Variants in PSMA3 observed in about 807,000 individuals in gnomAD.
PSMA3 encodes the protein proteasome 20S subunit alpha 3, also known as proteasome subunit alpha type-3.
A neutral mutation model predicts 40.0 loss-of-function variants in PSMA3; 8 were observed. That is an observed-to-expected ratio of 0.20 (90% CI 0.12 to 0.36). The LOEUF (loss-of-function observed/expected upper bound fraction) is 0.36. Ranked by LOEUF, PSMA3 falls within the 10% of genes least tolerant of loss-of-function variation. PSMA3 has a pLI of 1.00. For synonymous variants in PSMA3, 110 were observed against 100.0 expected (o/e 1.10, Z -0.59); for missense variants, 219 against 310.6 (o/e 0.70, Z 2.22).
chr14:58,262,710 G>C (rs1230512958), intron 6 of PSMA3, among the ~76,000 whole-genome samples: 1 of 151,042 alleles, frequency 6.6e-6, no homozygotes, highest in Non-Finnish European at 1.5e-5. Flanking sequence ...TTACAGGCCT[G>C]TACCATCACA....
At chr14:58,262,881 CTT>C (rs1193012612) in intron 6 of PSMA3, among the ~76,000 whole-genome samples, 1 of 151,746 alleles carries the variant, frequency 6.6e-6, no homozygotes. Flanking sequence ...GTTACCGTTT[CTT>C]AACTGTTTTC....
At chr14:58,258,550 G>A (rs1388082196) in intron 5 of PSMA3, 1 of 149,526 alleles carries the variant, frequency 6.7e-6, no homozygotes, top group Non-Finnish European at 1.5e-5. Flanking sequence ...ATTATAATAA[G>A]CTCTCGGTGT....
At chr14:58,245,074 T>G (rs1186255782) in intron 1 of PSMA3, 133 bp downstream of exon 1, 3 of 1,162,982 alleles carry the variant, frequency 2.6e-6, no homozygotes, top group Admixed American at 3.5e-5. Flanking sequence ...CATTTGCAGC[T>G]GTTTGGAGAC....
chr14:58,256,662 T>C (rs1040757857), intron 3 of PSMA3, among the ~76,000 whole-genome samples: 1 of 151,578 alleles, frequency 6.6e-6, no homozygotes, highest in African/African-American at 2.4e-5. Context: ...TCCACCTGCC[T>C]CAGCCTCCCA....
chr14:58,255,662 G>C (rs1048356081), intron 3 of PSMA3, among the ~76,000 whole-genome samples: 2 of 152,122 alleles, frequency 1.3e-5, no homozygotes, highest in Admixed American at 1.3e-4. Context: ...CCAGCTACTC[G>C]GGAGGCTGAG....
chr14:58,254,164 TC>T (rs1450563776), intron 3 of PSMA3, among the ~76,000 whole-genome samples: 1 of 151,232 alleles, frequency 6.6e-6, no homozygotes, highest in Non-Finnish European at 1.5e-5. Flanking sequence ...TTTTTGGTTT[TC>T]TCTTCTTGTA....
intron 3 of PSMA3, among the ~76,000 whole-genome samples, chr14:58,252,867 A>G (rs1424209507): frequency 2.0e-5 from 3 of 152,022 alleles, no homozygotes; most frequent in Non-Finnish European, 4.4e-5. Flanking sequence ...GCCACCTGAA[A>G]AGGAAAGGAA....
chr14:58,261,150 T>A (rs981399802), intron 6 of PSMA3, 130 bp downstream of exon 6: 5 of 701,132 alleles, frequency 7.1e-6, no homozygotes, highest in Non-Finnish European at 1.1e-5. Flanking sequence ...TCTTTTTTTT[T>A]TTTTTACAAC....
At chr14:58,248,496 T>C (rs1038640212) in intron 2 of PSMA3, among the ~76,000 whole-genome samples, 1 of 151,010 alleles carries the variant, frequency 6.6e-6, no homozygotes, top group African/African-American at 2.4e-5. Context: ...TCCCAGAGAG[T>C]AGCCCCAGTC....
chr14:58,247,186 CTGA>C (rs1192263264), intron 1 of PSMA3, among the ~76,000 whole-genome samples: 2 of 152,176 alleles, frequency 1.3e-5, no homozygotes, highest in East Asian at 1.9e-4. Flanking sequence ...AAGGCCTTCC[CTGA>C]TGATGTAGTC....
At chr14:58,263,680 A>G (rs1890348636) in intron 6 of PSMA3, 25 bp from the exon 7 acceptor site, 2 of 1,575,406 alleles carry the variant, frequency 1.3e-6, no homozygotes, top group South Asian at 1.1e-5. Context: ...TAATTCAGTG[A>G]TTATATATAT....
chr14:58,250,220 C>CAAAAAAAAAAA (rs10634649), intron 2 of PSMA3, among the ~76,000 whole-genome samples: 5 of 93,048 alleles, frequency 5.4e-5, no homozygotes, highest in African/African-American at 2.2e-4. Context: ...ACTCCATCTC[C>CAAAAAAAAAAA]AAAAAAAAAA....
rs1890356586 is a variant in PSMA3, at chr14:58,263,870, T to C, written c.543+100T>C. 5 of 1,064,650 alleles carry C rather than the reference T, an allele frequency of 4.7e-6. No individual in the cohort carries two copies. In the Admixed American group the frequency reaches 7.5e-5, roughly 16 times the overall value. 66.0% of individuals were successfully genotyped at this position (1,064,650 alleles called of 1,614,324 possible). ...GTCTAAGGCAGGGATGTCCAATCATTTGGCTTCCCTGGGCCACACATAAAA... is the reference window on the plus strand; with the variant it reads ...GTCTAAGGCAGGGATGTCCAATCATCTGGCTTCCCTGGGCCACACATAAAA... On this transcript the variant is annotated intron_variant, in intron 7 of 10. Coordinates refer to ENST00000216455, the MANE Select transcript of PSMA3 (RefSeq NM_002788.4).
At chr14:58,256,251 CT>C (rs561195676) in intron 3 of PSMA3, among the ~76,000 whole-genome samples, 2 of 152,226 alleles carry the variant, frequency 1.3e-5, no homozygotes, top group South Asian at 4.1e-4. Flanking sequence ...GCGATTGTGC[CT>C]TTTAGAACAA....
intron 6 of PSMA3, among the ~76,000 whole-genome samples, chr14:58,262,252 C>T (rs1333505911): frequency 2.0e-5 from 3 of 152,134 alleles, no homozygotes; most frequent in African/African-American, 4.8e-5. Context: ...GACAGCGTCT[C>T]GCTCTGTCAC....
At chr14:58,254,090 G>C (rs956942564) in intron 3 of PSMA3, among the ~76,000 whole-genome samples, 22 of 151,150 alleles carry the variant, frequency 1.5e-4, no homozygotes, top group African/African-American at 4.9e-5. Context: ...ATTGTCTGTT[G>C]TTCCTGTCTT....
chr14:58,262,282 C>T (rs879345512), intron 6 of PSMA3, among the ~76,000 whole-genome samples: 2 of 152,050 alleles, frequency 1.3e-5, no homozygotes, highest in Non-Finnish European at 2.9e-5. Flanking sequence ...AGTGCAGTGG[C>T]GCCAAACCTC....
intron 8 of PSMA3, 88 bp downstream of exon 8, chr14:58,267,608 C>A: frequency 7.5e-7 from 1 of 1,329,976 alleles, no homozygotes; most frequent in Non-Finnish European, 9.7e-7. Flanking sequence ...AAGCTGTTTT[C>A]CTGTAAAATA....
At chr14:58,245,744 G>A (rs1012949337) in intron 1 of PSMA3, among the ~76,000 whole-genome samples, 7 of 152,218 alleles carry the variant, frequency 4.6e-5, no homozygotes, top group African/African-American at 1.7e-4. Context: ...AGATTTATTG[G>A]TTATTTGCAC....
Sources: allele counts gnomAD v4.1 joint callset (sites outside exome capture counted in the v4.1 genomes callset), GRCh38; gene constraint gnomAD v4.1.1; transcripts MANE v1.5; gene names NCBI Gene and HGNC (gene_info 2026-07-23, HGNC 2026-07-21).